PACRG: variants seen among roughly 807,000 people sequenced by gnomAD.
PACRG encodes the protein parkin coregulated, also known as parkin coregulated gene protein.
In PACRG, 29 loss-of-function variants were observed where a neutral mutation model predicts 29.7. The observed-to-expected ratio is 0.98, with a 90% CI of 0.73 to 1.33. The LOEUF (loss-of-function observed/expected upper bound fraction) is 1.33. Among genes scored for constraint, PACRG ranks in the 40% most tolerant of loss-of-function variants. The pLI, the probability that PACRG is intolerant of heterozygous loss-of-function variation, is 0.00. For synonymous variants in PACRG, 116 were observed against 118.7 expected (o/e 0.98, Z 0.15); for missense variants, 279 against 316.2 (o/e 0.88, Z 0.89).
At chr6:163,209,581 G>C (rs1252904281) in intron 4 of PACRG, among the ~76,000 whole-genome samples, 1 of 152,162 alleles carries the variant, frequency 6.6e-6, no homozygotes, top group Non-Finnish European at 1.5e-5. Flanking sequence ...TGAGACAACT[G>C]CTACATAATG....
chr6:162,954,957 A>G (rs897803139), intron 2 of PACRG, among the ~76,000 whole-genome samples: 12 of 152,254 alleles, frequency 7.9e-5, no homozygotes, highest in African/African-American at 2.2e-4. Context: ...TAATTAATCC[A>G]TCGTGACAAA....
rs923448797 is a variant in PACRG, at chr6:163,058,277, G to A, written c.292-3873G>A. Among the ~76,000 whole-genome samples the A allele has an allele frequency of 2.2e-4, 34 of 152,208 alleles. No individual in the cohort carries two copies. In the East Asian group the frequency reaches 4.7e-3, roughly 21 times the overall value. The stretch of plus-strand genomic sequence containing the variant: ...CCACAAGCCCTGCAGCTCTTTGTCC[G>A]TCAGGTGAGAGCTGCCTATTGGGCA... On this transcript the variant is annotated intron_variant, in intron 2 of 4. Transcript: ENST00000366888.
chr6:163,027,247 T>C (rs1276968755), intron 2 of PACRG, among the ~76,000 whole-genome samples: 1 of 152,238 alleles, frequency 6.6e-6, no homozygotes, highest in Non-Finnish European at 1.5e-5. Context: ...TGCATTTATC[T>C]GGGGTTTGCA....
At chr6:162,931,453 T>C (rs1250781746) in intron 2 of PACRG, among the ~76,000 whole-genome samples, 5 of 152,004 alleles carry the variant, frequency 3.3e-5, no homozygotes, top group Non-Finnish European at 7.4e-5. Flanking sequence ...TTTATAGTTT[T>C]ATGTTTTACA....
At chr6:163,218,643 G>A (rs1030935206) in intron 4 of PACRG, among the ~76,000 whole-genome samples, 2 of 152,116 alleles carry the variant, frequency 1.3e-5, no homozygotes, top group Non-Finnish European at 2.9e-5. Context: ...CAAACTCCCA[G>A]CAACACTCAC....
At chr6:163,175,613 G>A (rs552376165) in intron 4 of PACRG, among the ~76,000 whole-genome samples, 110 of 152,150 alleles carry the variant, frequency 7.2e-4, no homozygotes, top group Non-Finnish European at 1.5e-3. Context: ...GTGCATAAGG[G>A]GGAGTGGGGA....
chr6:162,846,663 T>C (rs1433962828), intron 2 of PACRG, among the ~76,000 whole-genome samples: 2 of 152,232 alleles, frequency 1.3e-5, no homozygotes, highest in Admixed American at 6.5e-5. Flanking sequence ...TGTTTTATCA[T>C]ATTGCCAGAG....
chr6:162,971,613 C>G (rs1801534774), intron 2 of PACRG, among the ~76,000 whole-genome samples: 1 of 152,178 alleles, frequency 6.6e-6, no homozygotes, highest in Non-Finnish European at 1.5e-5. Context: ...GAATCGCTCC[C>G]CAAATTCCAT....
At chr6:162,908,564 G>A (rs1463685115) in intron 2 of PACRG, among the ~76,000 whole-genome samples, 1 of 152,214 alleles carries the variant, frequency 6.6e-6, no homozygotes, top group Non-Finnish European at 1.5e-5. Context: ...TACAACCTCA[G>A]TAGAGACAGG....
intron 3 of PACRG, among the ~76,000 whole-genome samples, chr6:163,078,778 A>G (rs990750416): frequency 6.6e-6 from 1 of 152,132 alleles, no homozygotes; most frequent in Admixed American, 6.5e-5. Flanking sequence ...TTGCTCTTCA[A>G]AAGTTGCCGT....
chr6:163,154,698 T>C (rs2128339597), intron 4 of PACRG, among the ~76,000 whole-genome samples: 1 of 152,336 alleles, frequency 6.6e-6, no homozygotes, highest in Admixed American at 6.5e-5. Context: ...TAAATATAAG[T>C]ATGTGTCATG....
At chr6:162,930,132 A>G (rs997842866) in intron 2 of PACRG, among the ~76,000 whole-genome samples, 1 of 151,974 alleles carries the variant, frequency 6.6e-6, no homozygotes, top group Non-Finnish European at 1.5e-5. Flanking sequence ...ATTTCTGTTA[A>G]GAATGTCATT....
At position 162,861,616 on chromosome 6, in the gene PACRG, G is replaced by A. The variant is rs183773952; in HGVS notation, c.291+47335G>A. ...ACACAAGGAGCACCACAGAGGGAAC[G>A]TGGAAGCTCTAAGCAAAACCCACCT... On this transcript the variant is annotated intron_variant, in intron 2 of 4. Transcript: ENST00000366888. 2.0e-4 allele frequency among the ~76,000 whole-genome samples: 30 copies of A among 152,254 alleles called. No homozygotes were observed. The East Asian group carries it at 2.7e-3, about 14-fold the overall frequency.
Position 162,772,076 on chromosome 6 carries a change from T to C in PACRG, c.157-42071T>C, listed in dbSNP as rs537275908. Among the ~76,000 whole-genome samples the C allele has an allele frequency of 2.6e-5, 4 of 152,314 alleles. No homozygotes were observed. The East Asian group carries it at 7.7e-4, about 29-fold the overall frequency. On this transcript the variant is annotated intron_variant, in intron 1 of 4. Coordinates refer to ENST00000366888, the MANE Select transcript of PACRG (RefSeq NM_001080379.2). The stretch of plus-strand genomic sequence containing the variant: ...GATAAAAAGATAAGATGGAAGGGCA[T>C]GTGCAAAGTCACAAAGAGGGAGAAA...
intron 2 of PACRG, among the ~76,000 whole-genome samples, chr6:162,903,542 G>A (rs565164110): frequency 6.7e-6 from 1 of 148,298 alleles, no homozygotes; most frequent in Non-Finnish European, 1.5e-5. Flanking sequence ...CAAGTGAAAG[G>A]GGTTTCCCCT....
chr6:163,233,816 T>A (rs1782133963), intron 4 of PACRG, among the ~76,000 whole-genome samples: 1 of 152,142 alleles, frequency 6.6e-6, no homozygotes, highest in African/African-American at 2.4e-5. Flanking sequence ...AAAACAAAAT[T>A]CTGGAAGGGG....
intron 2 of PACRG, among the ~76,000 whole-genome samples, chr6:162,906,291 A>G (rs1487788084): frequency 2.2e-4 from 33 of 152,204 alleles, no homozygotes; most frequent in Admixed American, 2.2e-3. Context: ...CTTTAAGTCA[A>G]TCCTCTTCCT....
intron 2 of PACRG, among the ~76,000 whole-genome samples, chr6:163,003,820 T>G (rs1804794658): frequency 6.6e-6 from 1 of 152,180 alleles, no homozygotes. Context: ...CGATAATTAT[T>G]TAAGATAGCA....
intron 4 of PACRG, among the ~76,000 whole-genome samples, chr6:163,169,494 T>C (rs767640222): frequency 3.3e-5 from 5 of 152,148 alleles, no homozygotes; most frequent in African/African-American, 4.8e-5. Context: ...GGAATAGCCA[T>C]GGAGCTGGAC....
Sources: allele counts gnomAD v4.1 joint callset (sites outside exome capture counted in the v4.1 genomes callset), GRCh38; gene constraint gnomAD v4.1.1; transcripts MANE v1.5; gene names NCBI Gene and HGNC (gene_info 2026-07-23, HGNC 2026-07-21).